Variants in GPC5 observed in about 807,000 individuals in gnomAD.
The protein encoded by GPC5 is glypican 5.
A neutral mutation model predicts 53.9 loss-of-function variants in GPC5; 47 were observed. That is an observed-to-expected ratio of 0.87 (90% CI 0.69 to 1.11). The LOEUF (loss-of-function observed/expected upper bound fraction) is 1.11, where lower values mean the gene tolerates loss of function less well. Among genes scored for constraint, GPC5 ranks in the 50% most tolerant of loss-of-function variants. The probability of loss-of-function intolerance (pLI) is 0.00; values close to 1 mark genes in which losing one functional copy is unlikely to be tolerated. For missense variants in GPC5, 748 were observed against 713.1 expected (o/e 1.05, Z -0.56); for synonymous variants, 286 against 263.3 (o/e 1.09, Z -0.84).
intron 7 of GPC5, among the ~76,000 whole-genome samples, chr13:92,407,145 C>T (rs555193296): frequency 2.4e-4 from 37 of 152,214 alleles, no homozygotes; most frequent in African/African-American, 8.7e-4. Flanking sequence ...CATTTTGCAA[C>T]AGGGAGACAG....
chr13:92,417,148 A>G (rs1157018846), intron 7 of GPC5, among the ~76,000 whole-genome samples: 2 of 152,216 alleles, frequency 1.3e-5, no homozygotes, highest in African/African-American at 2.4e-5. Context: ...CATAAGTCAA[A>G]CTGTAATTAA....
intron 7 of GPC5, among the ~76,000 whole-genome samples, chr13:92,194,834 T>TC (rs1222135723): frequency 4.6e-5 from 7 of 152,220 alleles, no homozygotes; most frequent in Non-Finnish European, 1.0e-4. Context: ...CCTTTCCTTG[T>TC]AATCTAAGGT....
At chr13:92,452,207 G>T (rs1363803218) in intron 7 of GPC5, among the ~76,000 whole-genome samples, 2 of 152,106 alleles carry the variant, frequency 1.3e-5, no homozygotes, top group Non-Finnish European at 2.9e-5. Context: ...TTACAGAAAC[G>T]CAGGAAAATG....
chr13:91,718,759 G>T (rs1163112686), intron 3 of GPC5, among the ~76,000 whole-genome samples: 1 of 151,924 alleles, frequency 6.6e-6, no homozygotes, highest in Non-Finnish European at 1.5e-5. Context: ...ATTATTCAGG[G>T]TTTATCTAAA....
chr13:92,319,410 T>TAAAAAA (rs67635557), intron 7 of GPC5, among the ~76,000 whole-genome samples: 1 of 108,768 alleles, frequency 9.2e-6, no homozygotes, highest in Non-Finnish European at 2.0e-5. Flanking sequence ...TCTCTGAAAC[T>TAAAAAA]AAAAAAAAAA....
intron 1 of GPC5, among the ~76,000 whole-genome samples, chr13:91,408,844 C>T (rs1014634034): frequency 6.6e-6 from 1 of 152,078 alleles, no homozygotes; most frequent in Non-Finnish European, 1.5e-5. Context: ...AAATAATCTT[C>T]GCAGCTATTT....
Position 92,740,960 on chromosome 13 carries a change from G to GTGTGTGTATATATATATATA in GPC5, c.1562-125321_1562-125320insGTGTGTATATATATATATAT, listed in dbSNP as rs35795926. On this transcript the variant is annotated intron_variant, in intron 7 of 7. Coordinates refer to ENST00000377067, the MANE Select transcript of GPC5 (RefSeq NM_004466.6). ...TGTATGTGTGTATATATATGTATGT[G>GTGTGTGTATATATATATATA]TATATATATATCCTGCTGTAGCATA... Among the ~76,000 whole-genome samples, 17 of 117,754 alleles carry GTGTGTGTATATATATATATA rather than the reference G, an allele frequency of 1.4e-4. 1 individual carries two copies. Among genetic ancestry groups the GTGTGTGTATATATATATATA allele is most frequent in the South Asian group, 2.5e-4 (1 of 3,926 alleles). The allele number at this position is 117,754 out of a possible 152,430, so 77.3% of individuals were successfully genotyped here. A position where few individuals can be genotyped will look rare whatever the true frequency, so the allele number is the denominator to read the frequency against.
At chr13:91,737,681 G>C (rs975811413) in intron 4 of GPC5, among the ~76,000 whole-genome samples, 1 of 150,748 alleles carries the variant, frequency 6.6e-6, no homozygotes, top group Non-Finnish European at 1.5e-5. Context: ...TGAAAATTTT[G>C]TTGTTTAAAA....
chr13:91,642,163 AG>A (rs66810067), intron 2 of GPC5, among the ~76,000 whole-genome samples: 23,916 of 152,162 alleles, frequency 0.16, 3,417 homozygotes, highest in African/African-American at 0.38. Context: ...AATAATTTTG[AG>A]GGTCATCAGT....
At chr13:91,858,237 T>A (rs1174345598) in intron 5 of GPC5, among the ~76,000 whole-genome samples, 1 of 151,932 alleles carries the variant, frequency 6.6e-6, no homozygotes, top group Non-Finnish European at 1.5e-5. Context: ...GGCATCCTTT[T>A]CTAGTTCCAG....
chr13:92,355,832 A>G (rs2043516661), intron 7 of GPC5, among the ~76,000 whole-genome samples: 2 of 151,662 alleles, frequency 1.3e-5, no homozygotes, highest in South Asian at 4.2e-4. Context: ...AATACTGTCA[A>G]TGAAACTATT....
At chr13:92,828,616 T>C (rs1469740006) in intron 7 of GPC5, among the ~76,000 whole-genome samples, 1 of 152,154 alleles carries the variant, frequency 6.6e-6, no homozygotes, top group Non-Finnish European at 1.5e-5. Context: ...CCGGACCTCC[T>C]GGACCTCCAT....
At chr13:91,742,809 T>A (rs2036964794) in intron 4 of GPC5, among the ~76,000 whole-genome samples, 1 of 152,150 alleles carries the variant, frequency 6.6e-6, no homozygotes, top group African/African-American at 2.4e-5. Flanking sequence ...AATGCTTACA[T>A]CCTTAAGTTG....
At chr13:92,817,187 C>T (rs1276014289) in intron 7 of GPC5, among the ~76,000 whole-genome samples, 1 of 152,006 alleles carries the variant, frequency 6.6e-6, no homozygotes, top group African/African-American at 2.4e-5. Flanking sequence ...CCTCCGCCTA[C>T]CACTTCCCAC....
intron 7 of GPC5, chr13:92,240,477 A>G (rs1267282408): frequency 1.3e-5 from 2 of 152,088 alleles, no homozygotes; most frequent in Non-Finnish European, 1.5e-5. Flanking sequence ...GCATTGCTAA[A>G]TAATTATAAA....
intron 2 of GPC5, among the ~76,000 whole-genome samples, chr13:91,476,524 A>G (rs1303807785): frequency 1.3e-5 from 2 of 152,330 alleles, no homozygotes; most frequent in East Asian, 1.9e-4. Flanking sequence ...TGTAATACAA[A>G]ATACATAGAT....
At chr13:92,821,035 C>T (rs906086013) in intron 7 of GPC5, among the ~76,000 whole-genome samples, 1 of 152,104 alleles carries the variant, frequency 6.6e-6, no homozygotes, top group Non-Finnish European at 1.5e-5. Flanking sequence ...AAGACTTGAG[C>T]TTTCTCTGCC....
intron 6 of GPC5, among the ~76,000 whole-genome samples, chr13:92,018,113 TTGCCAAATTCA>T (rs1485913524): frequency 6.6e-6 from 1 of 152,108 alleles, no homozygotes; most frequent in Non-Finnish European, 1.5e-5. Context: ...ATTCTCAGAA[TTGCCAAATTCA>T]TTGCTAATGA....
At chr13:92,343,251 T>A (rs1422872629) in intron 7 of GPC5, among the ~76,000 whole-genome samples, 1 of 152,168 alleles carries the variant, frequency 6.6e-6, no homozygotes, top group Non-Finnish European at 1.5e-5. Flanking sequence ...TAGATCAATA[T>A]GTCTGTGCCT....
Sources: allele counts gnomAD v4.1 joint callset (sites outside exome capture counted in the v4.1 genomes callset), GRCh38; gene constraint gnomAD v4.1.1; transcripts MANE v1.5; gene names NCBI Gene and HGNC (gene_info 2026-07-23, HGNC 2026-07-21).